Variants in C12orf42 observed in about 807,000 individuals in gnomAD.
The protein encoded by C12orf42 is chromosome 12 open reading frame 42.
A neutral mutation model predicts 21.6 loss-of-function variants in C12orf42; 25 were observed. The ratio of observed to expected loss-of-function variants is 1.16; its 90% CI spans 0.84 to 1.62. The LOEUF (loss-of-function observed/expected upper bound fraction) is 1.62. Among genes scored for constraint, C12orf42 ranks in the 40% most tolerant of loss-of-function variants. The pLI, the probability that C12orf42 is intolerant of heterozygous loss-of-function variation, is 0.00. For synonymous variants in C12orf42, 174 were observed against 175.0 expected, an observed-to-expected ratio of 0.99 and a Z score of 0.05; for missense variants, 483 against 459.3, an observed-to-expected ratio of 1.05 and a Z score of -0.47.
intron 1 of C12orf42, among the ~76,000 whole-genome samples, chr12:103,482,048 T>A (rs1018623623): frequency 6.6e-6 from 1 of 152,098 alleles, no homozygotes; most frequent in Non-Finnish European, 1.5e-5. Flanking sequence ...TTTAGCTGCC[T>A]AAATTGCTGT....
chr12:103,073,743 T>C, the C12orf42 span, among the ~76,000 whole-genome samples: 1 of 152,088 alleles, frequency 6.6e-6, no homozygotes. Flanking sequence ...AAAACACATA[T>C]TCATGGAAAA....
At chr12:103,070,915 G>C in the C12orf42 span, among the ~76,000 whole-genome samples, 4 of 152,180 alleles carry the variant, frequency 2.6e-5, no homozygotes, top group Non-Finnish European at 5.9e-5. Flanking sequence ...CAGGAATCAT[G>C]AATAAGATTT....
At chr12:103,178,808 G>A in the C12orf42 span, 1 of 152,338 alleles carries the variant, frequency 6.6e-6, no homozygotes, top group Non-Finnish European at 1.5e-5. Context: ...TGAGGGATGT[G>A]AGAGGGTAGG....
chr12:103,136,531 C>T, the C12orf42 span, among the ~76,000 whole-genome samples: 2 of 151,858 alleles, frequency 1.3e-5, no homozygotes, highest in African/African-American at 4.9e-5. Context: ...AATAGAAAAA[C>T]AGTCCTAAAA....
chr12:103,059,804 T>C, the C12orf42 span, among the ~76,000 whole-genome samples: 7 of 152,136 alleles, frequency 4.6e-5, no homozygotes, highest in Admixed American at 2.6e-4. Context: ...AAACTCTCAA[T>C]AAACTAGATA....
intron 4 of C12orf42, among the ~76,000 whole-genome samples, chr12:103,279,565 A>G (rs1316839002): frequency 6.6e-6 from 1 of 152,226 alleles, no homozygotes; most frequent in East Asian, 1.9e-4. Flanking sequence ...CTCACCTTCC[A>G]CACATGCTAG....
At chr12:103,506,753 T>C in the C12orf42 span, among the ~76,000 whole-genome samples, 1 of 136,634 alleles carries the variant, frequency 7.3e-6, no homozygotes. Context: ...AGAAAGTACA[T>C]AAAACAGGGG....
chr12:103,541,850 A>G, the C12orf42 span, among the ~76,000 whole-genome samples: 9 of 152,268 alleles, frequency 5.9e-5, no homozygotes, highest in East Asian at 1.7e-3. Context: ...TTGACTTTGA[A>G]ACAAAATTAA....
chr12:103,152,481 CAACAAAACAAATA>C, the C12orf42 span, among the ~76,000 whole-genome samples: 1 of 151,640 alleles, frequency 6.6e-6, no homozygotes, highest in Non-Finnish European at 1.5e-5. Context: ...CTAGCAAATG[CAACAAAACAAATA>C]AACAAAATAA....
At chr12:103,526,039 CA>C in the C12orf42 span, among the ~76,000 whole-genome samples, 1 of 152,110 alleles carries the variant, frequency 6.6e-6, no homozygotes, top group African/African-American at 2.4e-5. Context: ...AAAAACAAAA[CA>C]AAACAAAATC....
the C12orf42 span, among the ~76,000 whole-genome samples, chr12:103,081,873 C>T: frequency 1.3e-5 from 2 of 152,026 alleles, no homozygotes; most frequent in Non-Finnish European, 2.9e-5. Context: ...TTATCTTTGG[C>T]TTATAATTTT....
intron 5 of C12orf42, among the ~76,000 whole-genome samples, chr12:103,305,535 T>A (rs941804736): frequency 3.3e-5 from 5 of 152,190 alleles, no homozygotes; most frequent in African/African-American, 1.2e-4. Flanking sequence ...CTGGGCCATG[T>A]CCTTACTTTG....
At chr12:103,225,314 T>C in the C12orf42 span, among the ~76,000 whole-genome samples, 4 of 152,018 alleles carry the variant, frequency 2.6e-5, no homozygotes, top group African/African-American at 4.8e-5. Flanking sequence ...TTAGGACAGG[T>C]AAAAATGGGG....
the C12orf42 span, among the ~76,000 whole-genome samples, chr12:103,186,301 T>G: frequency 6.6e-6 from 1 of 152,204 alleles, no homozygotes. Flanking sequence ...AAGACTGTCT[T>G]GTAGTATGAC....
chr12:103,248,971 T>A (rs111273051), intron 10 of C12orf42, among the ~76,000 whole-genome samples: 1 of 152,036 alleles, frequency 6.6e-6, no homozygotes, highest in African/African-American at 2.4e-5. Context: ...AGATTGAAGA[T>A]AGAATTTGGC....
At chr12:103,157,045 G>A in the C12orf42 span, among the ~76,000 whole-genome samples, 13,035 of 152,166 alleles carry the variant, frequency 0.086, 677 homozygotes, top group Non-Finnish European at 0.12. Context: ...TTGAGGAATC[G>A]CCACACTGTC....
At chr12:103,506,982 A>AT in the C12orf42 span, among the ~76,000 whole-genome samples, 1 of 1,356 alleles carries the variant, frequency 7.4e-4, no homozygotes, top group Non-Finnish European at 1.3e-3. Context: ...AAATATATAT[A>AT]TTATATAAAT....
chr12:103,058,443 A>G, the C12orf42 span, among the ~76,000 whole-genome samples: 1 of 152,298 alleles, frequency 6.6e-6, no homozygotes, highest in Non-Finnish European at 1.5e-5. Flanking sequence ...ACTCTGATGC[A>G]AGGATATTCA....
intron 2 of C12orf42, among the ~76,000 whole-genome samples, chr12:103,425,633 T>C (rs1310858106): frequency 2.6e-5 from 4 of 152,106 alleles, no homozygotes; most frequent in African/African-American, 9.7e-5. Flanking sequence ...CAGAAAGGAA[T>C]AGCATCAACA....
Sources: gnomAD v4.1 joint callset for allele counts (sites outside exome capture counted in the v4.1 genomes callset) on GRCh38, gnomAD v4.1.1 for gene constraint, MANE v1.5 for transcripts, NCBI Gene and HGNC (gene_info 2026-07-23, HGNC 2026-07-21) for gene names.